The following DLG2 variants were observed in gnomAD, a reference collection of about 807,000 sequenced individuals.
DLG2 encodes the protein disks large homolog 2.
In DLG2, 45 loss-of-function variants were observed where a neutral mutation model predicts 132.5. That is an observed-to-expected ratio of 0.34 (90% CI 0.27 to 0.44). DLG2 has a LOEUF of 0.44. Among genes scored for constraint, DLG2 ranks in the 20% least tolerant of loss-of-function variants. DLG2 has a pLI of 1.00. For missense variants in DLG2, 1,045 were observed against 1,196.9 expected, an observed-to-expected ratio of 0.87 and a Z score of 1.87; for synonymous variants, 424 against 419.6, an observed-to-expected ratio of 1.01 and a Z score of -0.13.
chr11:83,886,161 A>C (rs556764981), intron 15 of DLG2, among the ~76,000 whole-genome samples: 2 of 152,348 alleles, frequency 1.3e-5, no homozygotes, highest in East Asian at 3.9e-4. Flanking sequence ...GGCAAATTGG[A>C]TAAAGAGTCA....
intron 7 of DLG2, among the ~76,000 whole-genome samples, chr11:84,288,820 G>T (rs1037962794): frequency 1.3e-5 from 2 of 152,048 alleles, no homozygotes; most frequent in African/African-American, 4.8e-5. Flanking sequence ...ATTGAACTAT[G>T]TTGACATAAT....
At chr11:85,277,814 T>C (rs1273250389) in intron 4 of DLG2, among the ~76,000 whole-genome samples, 1 of 152,164 alleles carries the variant, frequency 6.6e-6, no homozygotes, top group Non-Finnish European at 1.5e-5. Context: ...TAATACATAG[T>C]CTCCAGGTAC....
At chr11:85,377,915 ACATATTT>A (rs2152926480) in intron 3 of DLG2, among the ~76,000 whole-genome samples, 1 of 151,728 alleles carries the variant, frequency 6.6e-6, no homozygotes, top group Non-Finnish European at 1.5e-5. Context: ...ATATATATAC[ACATATTT>A]CAATTCCTCC....
chr11:84,914,442 T>C (rs994447866), intron 6 of DLG2, among the ~76,000 whole-genome samples: 10 of 152,238 alleles, frequency 6.6e-5, no homozygotes, highest in Admixed American at 5.9e-4. Context: ...AGTGCAGATA[T>C]TAGCAAATAG....
chr11:84,846,779 A>T (rs771029659), intron 6 of DLG2, among the ~76,000 whole-genome samples: 3 of 152,168 alleles, frequency 2.0e-5, no homozygotes, highest in Non-Finnish European at 4.4e-5. Flanking sequence ...CTAAGCCTTA[A>T]GAAAGCTTGT....
intron 3 of DLG2, among the ~76,000 whole-genome samples, chr11:85,527,819 T>C (rs1189221699): frequency 1.3e-5 from 2 of 152,198 alleles, no homozygotes; most frequent in Admixed American, 6.5e-5. Context: ...GCCAACAATA[T>C]AAAAGTGTTT....
At position 84,659,623 on chromosome 11, in the gene DLG2, C is replaced by A. The variant is rs186776715; in HGVS notation, c.358-124892G>T. On this transcript the variant is annotated intron_variant, in intron 6 of 27. Coordinates refer to ENST00000376104, the MANE Select transcript of DLG2 (RefSeq NM_001142699.3). Reference sequence around the variant, plus strand: ...AGTTACTGAATGACTATCCTTCACTCTTTTTCCAAATTTCTCACCCTGGGA... The same window carrying A: ...AGTTACTGAATGACTATCCTTCACTATTTTTCCAAATTTCTCACCCTGGGA... 9.9e-4 allele frequency among the ~76,000 whole-genome samples: 150 copies of A among 152,248 alleles called. 1 individual carries two copies. The highest frequency in any genetic ancestry group is 3.2e-3 in the African/African-American group (133 of 41,556).
chr11:84,357,676 G>A (rs1446769663), intron 7 of DLG2, among the ~76,000 whole-genome samples: 1 of 151,902 alleles, frequency 6.6e-6, no homozygotes, highest in African/African-American at 2.4e-5. Flanking sequence ...ATTAAAAACT[G>A]AATTTCACAC....
chr11:85,504,565 G>A (rs2093883201), intron 3 of DLG2, among the ~76,000 whole-genome samples: 1 of 152,092 alleles, frequency 6.6e-6, no homozygotes. Context: ...CTGTTCCATT[G>A]GTCTATATCT....
intron 7 of DLG2, among the ~76,000 whole-genome samples, chr11:84,451,736 A>G (rs189384634): frequency 6.6e-6 from 1 of 151,942 alleles, no homozygotes; most frequent in Admixed American, 6.6e-5. Flanking sequence ...CAGAAAAGAG[A>G]TAGTACAAAA....
At chr11:84,562,058 AGTAAT>A (rs2099429757) in intron 6 of DLG2, among the ~76,000 whole-genome samples, 1 of 152,158 alleles carries the variant, frequency 6.6e-6, no homozygotes, top group Non-Finnish European at 1.5e-5. Flanking sequence ...TTAAAAAAAA[AGTAAT>A]GTGACAGAAT....
intron 7 of DLG2, among the ~76,000 whole-genome samples, chr11:84,345,132 T>C (rs1213392473): frequency 6.6e-6 from 1 of 151,900 alleles, no homozygotes; most frequent in Non-Finnish European, 1.5e-5. Flanking sequence ...CTCATGAAAA[T>C]AAGAGAAAAG....
At chr11:84,678,723 T>A (rs1163183215) in intron 6 of DLG2, among the ~76,000 whole-genome samples, 1 of 152,108 alleles carries the variant, frequency 6.6e-6, no homozygotes, top group Admixed American at 6.6e-5. Context: ...ATTTATACCC[T>A]GATTAAATAT....
intron 6 of DLG2, among the ~76,000 whole-genome samples, chr11:84,978,217 T>C (rs1196692692): frequency 2.6e-5 from 4 of 152,166 alleles, no homozygotes; most frequent in Non-Finnish European, 4.4e-5. Context: ...AGTTTTCTAG[T>C]CAAAGAAACA....
At chr11:84,880,151 G>C (rs775902809) in intron 6 of DLG2, among the ~76,000 whole-genome samples, 1 of 152,122 alleles carries the variant, frequency 6.6e-6, no homozygotes, top group Non-Finnish European at 1.5e-5. Flanking sequence ...CAGACAGAGA[G>C]ATCAAATACT....
Position 84,251,285 on chromosome 11 carries a change from G to C in DLG2, c.526C>G (p.Pro176Ala). 1 of 1,584,498 alleles carries C rather than the reference G, an allele frequency of 6.3e-7. No homozygotes were observed. Among genetic ancestry groups the C allele is most frequent in the South Asian group, 1.2e-5 (1 of 84,012 alleles). ...TCTGTGTTGACAATTATAGGAGCAGGACTGGCCTGAAAAAAGAAATAGAAA... is the reference window on the plus strand; with the variant it reads ...TCTGTGTTGACAATTATAGGAGCAGCACTGGCCTGAAAAAAGAAATAGAAA... ...QSHISPLKAS[P>A]APIIVNTDTL... The change falls in exon 8 of 28, where the codon CCT becomes GCT. Residue 176 changes from proline to alanine, a missense_variant. Physicochemically the swap from Pro to Ala is conservative, Grantham distance 27 (BLOSUM62 -1). Transcript: ENST00000376104.
At chr11:84,062,020 A>G (rs1292405669) in intron 10 of DLG2, among the ~76,000 whole-genome samples, 2 of 152,174 alleles carry the variant, frequency 1.3e-5, no homozygotes, top group Non-Finnish European at 2.9e-5. Flanking sequence ...CAGAATACTA[A>G]TTATATCTTA....
chr11:84,553,512 T>C (rs2099406026), intron 6 of DLG2, among the ~76,000 whole-genome samples: 2 of 152,178 alleles, frequency 1.3e-5, no homozygotes, highest in African/African-American at 4.8e-5. Context: ...TCATTTAACC[T>C]AGCTTTGGCC....
At chr11:83,899,707 C>T (rs552445058) in intron 15 of DLG2, among the ~76,000 whole-genome samples, 1 of 152,222 alleles carries the variant, frequency 6.6e-6, no homozygotes, top group African/African-American at 2.4e-5. Context: ...AAATGTAAGT[C>T]CAATAAGCCT....
Sources: gnomAD v4.1 joint callset for allele counts (sites outside exome capture counted in the v4.1 genomes callset) on GRCh38, gnomAD v4.1.1 for gene constraint, MANE v1.5 for transcripts, NCBI Gene and HGNC (gene_info 2026-07-23, HGNC 2026-07-21) for gene names.